PDE4DIP: variants seen among roughly 807,000 people sequenced by gnomAD.
PDE4DIP encodes myomegalin.
Under a neutral mutation model 221.4 loss-of-function variants are expected in PDE4DIP, and 59 were observed. The observed-to-expected ratio is 0.27, with a 90% CI of 0.22 to 0.33. The LOEUF is 0.33. Ranked by LOEUF, PDE4DIP falls within the 10% of genes least tolerant of loss-of-function variation. PDE4DIP has a pLI of 1.00. For synonymous variants in PDE4DIP, 404 were observed against 815.9 expected, an observed-to-expected ratio of 0.50 and a Z score of 8.60; for missense variants, 1,036 against 2,154.2, an observed-to-expected ratio of 0.48 and a Z score of 10.28.
At chr1:149,019,872 G>C (rs2072081205) in intron 35 of PDE4DIP, among the ~76,000 whole-genome samples, 1 of 152,074 alleles carries the variant, frequency 6.6e-6, no homozygotes, top group Non-Finnish European at 1.5e-5. Flanking sequence ...CAGACGATAT[G>C]TGAGCACTTG....
At chr1:148,837,523 A>G (rs369734634) in intron 1 of PDE4DIP, among the ~76,000 whole-genome samples, 2 of 125,116 alleles carry the variant, frequency 1.6e-5, no homozygotes, top group African/African-American at 3.2e-5. Context: ...AGAGAGGGGA[A>G]TTAGATTCTA....
intron 1 of PDE4DIP, among the ~76,000 whole-genome samples, chr1:148,893,097 GTGTGTA>G (rs1699315973): frequency 7.6e-6 from 1 of 131,456 alleles, no homozygotes; most frequent in African/African-American, 2.9e-5. Context: ...GTGTGTGTGT[GTGTGTA>G]TGTATTTTTT....
At chr1:148,981,294 G>C (rs781989816) in exon 21 of PDE4DIP, 1 of 1,613,628 alleles carries the variant, frequency 6.2e-7, no homozygotes, top group East Asian at 2.2e-5. Context: ...GAACTCTGCA[G>C]GTGGAACTGG....
At chr1:148,929,161 G>A (rs782377759) in intron 1 of PDE4DIP, 36 bp from the exon 5 acceptor site, 47 of 1,608,900 alleles carry the variant, frequency 2.9e-5, no homozygotes, top group Non-Finnish European at 2.3e-5. Context: ...AGTGTCTGTG[G>A]CAGTTAATAA....
rs587644250 is a variant in PDE4DIP, at chr1:148,985,138, G to A, written c.2815+3741G>A. ...TTTCTTTTCCAGGTATATCCTGTGA[G>A]ATACCAGCACAGAGTATTTTCTCTG... On this transcript the variant is annotated intron_variant, in intron 21 of 43. Transcript: ENST00000369354. 9.8e-5 allele frequency: 15 copies of A among 152,286 alleles called. 1 individual carries two copies. In the East Asian group the frequency reaches 2.9e-3, roughly 29 times the overall value. The allele number at this position is 152,286 out of a possible 1,614,324, so 9.4% of individuals were successfully genotyped here. A position where few individuals can be genotyped will look rare whatever the true frequency, so the allele number is the denominator to read the frequency against.
intron 21 of PDE4DIP, chr1:148,986,281 A>G (rs1293463025): frequency 3.9e-5 from 6 of 152,222 alleles, no homozygotes; most frequent in Admixed American, 1.3e-4. Context: ...ACTTGGCATT[A>G]CATTATTTCC....
intron 5 of PDE4DIP, among the ~76,000 whole-genome samples, chr1:148,960,261 AG>A (rs1428360497): frequency 1.3e-5 from 2 of 151,316 alleles, no homozygotes; most frequent in Non-Finnish European, 3.0e-5. Context: ...AACTTCTCTC[AG>A]GAAGTGTAAG....
At chr1:148,820,897 C>G (rs1472264511) in intron 1 of PDE4DIP, among the ~76,000 whole-genome samples, 1 of 147,448 alleles carries the variant, frequency 6.8e-6, no homozygotes, top group African/African-American at 2.5e-5. Flanking sequence ...GTTGCCCAGG[C>G]TGGAGTGCAG....
intron 21 of PDE4DIP, among the ~76,000 whole-genome samples, chr1:148,987,038 T>C (rs781859303): frequency 6.6e-6 from 1 of 152,134 alleles, no homozygotes; most frequent in Non-Finnish European, 1.5e-5. Context: ...AGAAACTCTT[T>C]CCAGAATTTT....
At chr1:149,021,472 A>G (rs1412828739) in intron 37 of PDE4DIP, 1 of 218,054 alleles carries the variant, frequency 4.6e-6, no homozygotes. Context: ...AAGGCCTTTA[A>G]TATTGTCGGT....
chr1:148,964,383 C>T (rs1349928530), intron 9 of PDE4DIP, among the ~76,000 whole-genome samples: 1 of 152,134 alleles, frequency 6.6e-6, no homozygotes, highest in Non-Finnish European at 1.5e-5. Flanking sequence ...GGTGAGATTA[C>T]AGGCGTGAGC....
chr1:148,999,477 G>A (rs2065103665), intron 23 of PDE4DIP, among the ~76,000 whole-genome samples: 1 of 152,202 alleles, frequency 6.6e-6, no homozygotes, highest in Non-Finnish European at 1.5e-5. Flanking sequence ...ACTTGCTCAA[G>A]GTTGCATAAT....
chr1:148,822,525 C>T (rs1270486880), intron 1 of PDE4DIP, among the ~76,000 whole-genome samples: 1 of 151,350 alleles, frequency 6.6e-6, no homozygotes, highest in Admixed American at 6.6e-5. Context: ...CCAAATCCAT[C>T]CCCCACCCTG....
At chr1:148,889,101 C>T (rs1572716925), upstream of PDE4DIP, among the ~76,000 whole-genome samples, 1 of 152,022 alleles carries the variant, frequency 6.6e-6, no homozygotes, top group South Asian at 2.1e-4. Flanking sequence ...AATTGAGACT[C>T]CTCTGGTTAG....
chr1:148,859,792 T>TTG (rs3978545), intron 1 of PDE4DIP, among the ~76,000 whole-genome samples: 3,262 of 113,024 alleles, frequency 0.029, 118 homozygotes, highest in African/African-American at 0.061. Flanking sequence ...TATTACCACT[T>TTG]TGTGTGTGTG....
intron 5 of PDE4DIP, among the ~76,000 whole-genome samples, chr1:148,948,045 A>G (rs1459345743): frequency 1.3e-5 from 2 of 148,490 alleles, no homozygotes; most frequent in Non-Finnish European, 1.5e-5. Context: ...TTAAGTTTGA[A>G]AACTGCTGTT....
At chr1:148,966,630 A>G (rs1553518692) in exon 11 of PDE4DIP, 4 of 1,600,304 alleles carry the variant, frequency 2.5e-6, no homozygotes, top group Admixed American at 3.3e-5. Context: ...TCGCCAGCGA[A>G]TACATGATAA....
intron 5 of PDE4DIP, chr1:148,953,602 T>C (rs2054256608): frequency 1.3e-6 from 2 of 1,586,294 alleles, no homozygotes; most frequent in Non-Finnish European, 1.7e-6. Flanking sequence ...GTGACTGTTG[T>C]TCAGATGATC....
intron 38 of PDE4DIP, among the ~76,000 whole-genome samples, chr1:149,025,240 C>T (rs2074782546): frequency 2.0e-5 from 3 of 152,014 alleles, no homozygotes; most frequent in Admixed American, 1.3e-4. Context: ...AGGATCAGAA[C>T]CAGATGTTGT....
Sources: allele counts gnomAD v4.1 joint callset (sites outside exome capture counted in the v4.1 genomes callset), GRCh38; gene constraint gnomAD v4.1.1; transcripts MANE v1.5; gene names NCBI Gene and HGNC (gene_info 2026-07-23, HGNC 2026-07-21).